LY86: variants seen among roughly 807,000 people sequenced by gnomAD.
LY86 encodes lymphocyte antigen 86.
Under a neutral mutation model 17.3 loss-of-function variants are expected in LY86, and 20 were observed. That is an observed-to-expected ratio of 1.15 (90% CI 0.81 to 1.68). The LOEUF is 1.68. LY86 is among the 40% of genes most tolerant of loss of function. The pLI is 0.00. For synonymous variants in LY86, 74 were observed against 70.6 expected (o/e 1.05, Z -0.24); for missense variants, 200 against 191.9 (o/e 1.04, Z -0.25).
chr6:6,635,633 C>T (rs1466537402), intron 3 of LY86, among the ~76,000 whole-genome samples: 1 of 152,180 alleles, frequency 6.6e-6, no homozygotes, highest in Non-Finnish European at 1.5e-5. Context: ...TTTAGACTTC[C>T]TGCTCCTTCA....
At chr6:6,649,936 A>C (rs1373037501) in intron 4 of LY86, among the ~76,000 whole-genome samples, 1 of 152,204 alleles carries the variant, frequency 6.6e-6, no homozygotes, top group Non-Finnish European at 1.5e-5. Context: ...ACCTTAGGGA[A>C]TCCTCCGAGT....
intron 1 of LY86, among the ~76,000 whole-genome samples, chr6:6,605,171 G>A (rs1482900721): frequency 6.6e-6 from 1 of 151,962 alleles, no homozygotes; most frequent in African/African-American, 2.4e-5. Context: ...TGAATGTAAT[G>A]ATGATAATGA....
At chr6:6,601,389 G>GACA (rs1760902765) in intron 1 of LY86, among the ~76,000 whole-genome samples, 1 of 151,698 alleles carries the variant, frequency 6.6e-6, no homozygotes, top group Non-Finnish European at 1.5e-5. Context: ...GGCAGATGAT[G>GACA]AAGAGGGTAA....
intron 3 of LY86, among the ~76,000 whole-genome samples, chr6:6,638,639 G>C (rs1373049401): frequency 6.6e-6 from 1 of 150,876 alleles, no homozygotes; most frequent in Non-Finnish European, 1.5e-5. Context: ...TGACCTAGTA[G>C]TATCTATACT....
chr6:6,649,119 G>A (rs933327746), intron 3 of LY86, among the ~76,000 whole-genome samples: 1 of 152,236 alleles, frequency 6.6e-6, no homozygotes, highest in Admixed American at 6.5e-5. Context: ...GAAGACAAAG[G>A]AGGAGCAAAG....
At chr6:6,595,144 AAG>A (rs939943226) in intron 1 of LY86, among the ~76,000 whole-genome samples, 7 of 145,592 alleles carry the variant, frequency 4.8e-5, no homozygotes, top group Non-Finnish European at 5.9e-5. Flanking sequence ...GGGAGAGGGA[AAG>A]AGAGGAGGAG....
At chr6:6,624,842 G>C (rs1761755573) in intron 1 of LY86, 84 bp from the exon 2 acceptor site, 1 of 655,614 alleles carries the variant, frequency 1.5e-6, no homozygotes. Flanking sequence ...CAATTCATGT[G>C]AAAACAATAT....
chr6:6,589,590 A>T (rs1760462255), intron 1 of LY86, among the ~76,000 whole-genome samples: 1 of 152,186 alleles, frequency 6.6e-6, no homozygotes, highest in African/African-American at 2.4e-5. Context: ...TGCCATAACA[A>T]ACCACCACAG....
At chr6:6,605,137 CAAGCA>C (rs1341984550) in intron 1 of LY86, among the ~76,000 whole-genome samples, 5 of 151,226 alleles carry the variant, frequency 3.3e-5, no homozygotes, top group East Asian at 2.0e-4. Flanking sequence ...AATGGAATGA[CAAGCA>C]AAGTAGCAAC....
intron 1 of LY86, among the ~76,000 whole-genome samples, chr6:6,592,760 G>A (rs1760570123): frequency 6.6e-6 from 1 of 152,144 alleles, no homozygotes; most frequent in Non-Finnish European, 1.5e-5. Context: ...CAGGAAGCGA[G>A]CCCTCACCAA....
chr6:6,618,587 G>A (rs150249277), intron 1 of LY86, among the ~76,000 whole-genome samples: 14 of 152,288 alleles, frequency 9.2e-5, no homozygotes, highest in East Asian at 5.8e-4. Context: ...ACAAATAGTC[G>A]ATATTCCATT....
chr6:6,620,157 C>T (rs1212644417), intron 1 of LY86, among the ~76,000 whole-genome samples: 4 of 152,092 alleles, frequency 2.6e-5, no homozygotes, highest in South Asian at 2.1e-4. Flanking sequence ...CACACACACA[C>T]GAATGATTGT....
At chr6:6,603,813 T>C (rs543019734) in intron 1 of LY86, among the ~76,000 whole-genome samples, 103 of 151,874 alleles carry the variant, frequency 6.8e-4, no homozygotes, top group African/African-American at 2.3e-3. Context: ...TACAACCTTC[T>C]AAGAGTTACA....
At chr6:6,599,085 T>C (rs180752792) in intron 1 of LY86, among the ~76,000 whole-genome samples, 123 of 152,296 alleles carry the variant, frequency 8.1e-4, no homozygotes, top group Non-Finnish European at 1.3e-3. Flanking sequence ...CTTACAAAGA[T>C]AGAAAAAACT....
intron 1 of LY86, among the ~76,000 whole-genome samples, chr6:6,601,095 G>A (rs1274920788): frequency 6.6e-6 from 1 of 152,194 alleles, no homozygotes; most frequent in African/African-American, 2.4e-5. Flanking sequence ...TTGCTAGCAA[G>A]TATCAGGTAT....
At chr6:6,606,535 C>CG (rs1761157042) in intron 1 of LY86, among the ~76,000 whole-genome samples, 1 of 152,106 alleles carries the variant, frequency 6.6e-6, no homozygotes, top group South Asian at 2.1e-4. Flanking sequence ...CGGCGCTCGT[C>CG]GGGGAGGCTT....
rs76739578 is a variant in LY86, at chr6:6,626,099, G to T, written c.224-194G>T. On this transcript the variant is annotated intron_variant, in intron 2 of 4. Coordinates refer to ENST00000230568, the MANE Select transcript of LY86 (RefSeq NM_004271.4). ...TTTGAGAAACAGCCACCTTTCATACGCAGGGCCCCATCATAATCCCCTGTA... is the reference window on the plus strand; with the variant it reads ...TTTGAGAAACAGCCACCTTTCATACTCAGGGCCCCATCATAATCCCCTGTA... 3.3e-3 allele frequency among the ~76,000 whole-genome samples: 502 copies of T among 152,260 alleles called. 4 individuals are homozygous for T. The highest frequency in any genetic ancestry group is 0.012 in the African/African-American group (480 of 41,544).
intron 1 of LY86, among the ~76,000 whole-genome samples, chr6:6,608,495 C>T (rs561110851): frequency 5.9e-5 from 9 of 152,208 alleles, no homozygotes; most frequent in Admixed American, 3.9e-4. Context: ...TGTGAATATC[C>T]GTTATTTATG....
rs1482686300 is a variant in LY86, at chr6:6,654,729, G to T, written c.*102G>T. 2.9e-6 allele frequency: 3 copies of T among 1,020,012 alleles called. No homozygotes were observed. The highest frequency in any genetic ancestry group is 4.2e-5 in the Admixed American group (2 of 47,690). 63.2% of individuals were successfully genotyped at this position (1,020,012 alleles called of 1,614,324 possible). On this transcript the variant is annotated 3_prime_UTR_variant, in exon 5 of 5. Coordinates refer to ENST00000230568, the MANE Select transcript of LY86 (RefSeq NM_004271.4). ...GAGGAGAAGCAGCTGATGACAGAGA[G>T]AGGCTCTACAAAGAAGCGCCCCCAA...
Sources: gnomAD v4.1 joint callset for allele counts (sites outside exome capture counted in the v4.1 genomes callset) on GRCh38, gnomAD v4.1.1 for gene constraint, MANE v1.5 for transcripts, NCBI Gene and HGNC (gene_info 2026-07-23, HGNC 2026-07-21) for gene names.